Variants in SMAP1 observed in about 807,000 individuals in gnomAD.
SMAP1 encodes the protein stromal membrane-associated protein 1.
Under a neutral mutation model 58.5 loss-of-function variants are expected in SMAP1, and 24 were observed. The observed-to-expected ratio is 0.41, with a 90% CI of 0.30 to 0.58. The LOEUF (loss-of-function observed/expected upper bound fraction) is 0.58. Ranked by LOEUF, SMAP1 falls within the 20% of genes least tolerant of loss-of-function variation. The pLI, the probability that SMAP1 is intolerant of heterozygous loss-of-function variation, is 0.29. For missense variants in SMAP1, 563 were observed against 566.3 expected (o/e 0.99, Z 0.06); for synonymous variants, 216 against 196.6 (o/e 1.10, Z -0.82).
intron 10 of SMAP1, chr6:70,859,466 G>A: frequency 8.4e-7 from 1 of 1,192,094 alleles, no homozygotes; most frequent in African/African-American, 1.5e-5. Context: ...GATTAGTGAT[G>A]TAGTTTATGT....
chr6:70,715,103 CTT>C (rs34027498), intron 1 of SMAP1, among the ~76,000 whole-genome samples: 43 of 108,874 alleles, frequency 3.9e-4, no homozygotes, highest in East Asian at 1.1e-3. Flanking sequence ...TTTTTTTTTC[CTT>C]TTTTTTTTTT....
intron 5 of SMAP1, among the ~76,000 whole-genome samples, chr6:70,797,682 A>C (rs1196089540): frequency 2.0e-5 from 3 of 152,118 alleles, no homozygotes. Context: ...ATTTACTTTG[A>C]CAGAGGTTGC....
At chr6:70,807,851 A>G (rs929937990) in intron 6 of SMAP1, among the ~76,000 whole-genome samples, 1 of 151,970 alleles carries the variant, frequency 6.6e-6, no homozygotes, top group African/African-American at 2.4e-5. Context: ...GAAAATCCTC[A>G]TATAACTTTT....
intron 1 of SMAP1, among the ~76,000 whole-genome samples, chr6:70,680,994 G>A (rs1255956954): frequency 2.0e-5 from 3 of 151,910 alleles, no homozygotes; most frequent in South Asian, 2.1e-4. Context: ...CTGGGATTAC[G>A]GTTGTGAGCC....
At chr6:70,685,858 C>T (rs1766914106) in intron 1 of SMAP1, among the ~76,000 whole-genome samples, 1 of 152,100 alleles carries the variant, frequency 6.6e-6, no homozygotes, top group African/African-American at 2.4e-5. Flanking sequence ...GTAAGGAAAA[C>T]CAGAACAGAG....
intron 3 of SMAP1, among the ~76,000 whole-genome samples, chr6:70,770,977 C>G (rs911501936): frequency 6.6e-6 from 1 of 152,178 alleles, no homozygotes; most frequent in African/African-American, 2.4e-5. Context: ...AGACAGGACC[C>G]TCAGCTTCAG....
intron 3 of SMAP1, among the ~76,000 whole-genome samples, chr6:70,766,928 G>A (rs1241202389): frequency 6.6e-6 from 1 of 152,036 alleles, no homozygotes; most frequent in African/African-American, 2.4e-5. Context: ...TTTGTATAAG[G>A]TGTAAGGAAG....
At chr6:70,806,989 G>T (rs1014247234) in intron 6 of SMAP1, among the ~76,000 whole-genome samples, 2 of 151,998 alleles carry the variant, frequency 1.3e-5, no homozygotes, top group Non-Finnish European at 2.9e-5. Context: ...ATGTCTTCAG[G>T]TTCTTTATTG....
At chr6:70,803,085 T>C (rs112683216) in intron 6 of SMAP1, among the ~76,000 whole-genome samples, 8,569 of 152,262 alleles carry the variant, frequency 0.056, 388 homozygotes, top group African/African-American at 0.12. Context: ...GGAATGGTAC[T>C]AGCTCCTCGT....
At chr6:70,840,552 AAATG>A (rs770210287) in intron 7 of SMAP1, among the ~76,000 whole-genome samples, 10 of 152,218 alleles carry the variant, frequency 6.6e-5, no homozygotes, top group Non-Finnish European at 1.5e-5. Context: ...ACAAACATGT[AAATG>A]AATGAGCATG....
intron 7 of SMAP1, among the ~76,000 whole-genome samples, chr6:70,847,937 C>T (rs1771053287): frequency 6.6e-6 from 1 of 152,004 alleles, no homozygotes; most frequent in Admixed American, 6.5e-5. Context: ...GTGCATGCAC[C>T]AACAAGGTAT....
At chr6:70,725,613 C>A (rs1562116933) in intron 1 of SMAP1, among the ~76,000 whole-genome samples, 1 of 152,072 alleles carries the variant, frequency 6.6e-6, no homozygotes, top group Non-Finnish European at 1.5e-5. Context: ...TCTTTGAGAT[C>A]TTTGAGTTTG....
intron 2 of SMAP1, among the ~76,000 whole-genome samples, chr6:70,741,827 C>G (rs1582095276): frequency 6.6e-6 from 1 of 152,194 alleles, no homozygotes; most frequent in South Asian, 2.1e-4. Flanking sequence ...GAAATCTAGG[C>G]GGAGGTTCCC....
intron 4 of SMAP1, among the ~76,000 whole-genome samples, chr6:70,774,215 T>C (rs189403930): frequency 6.6e-6 from 1 of 152,352 alleles, no homozygotes; most frequent in East Asian, 1.9e-4. Flanking sequence ...TAATGATATG[T>C]TTCTCAGAAT....
chr6:70,838,909 A>G (rs908267340), intron 7 of SMAP1, among the ~76,000 whole-genome samples: 3 of 152,134 alleles, frequency 2.0e-5, no homozygotes, highest in African/African-American at 7.2e-5. Flanking sequence ...GGTGGACAGG[A>G]AAGGGTTTTT....
At chr6:70,730,587 G>T (rs1459424369) in intron 1 of SMAP1, among the ~76,000 whole-genome samples, 1 of 152,194 alleles carries the variant, frequency 6.6e-6, no homozygotes, top group Non-Finnish European at 1.5e-5. Flanking sequence ...CCAGTTTATA[G>T]ATGTAATTTC....
intron 2 of SMAP1, among the ~76,000 whole-genome samples, chr6:70,742,700 GT>G (rs1267209697): frequency 2.0e-5 from 3 of 152,120 alleles, no homozygotes; most frequent in Non-Finnish European, 4.4e-5. Flanking sequence ...TACTGTATTA[GT>G]CTGTTTTCAT....
At chr6:70,808,594 A>T (rs761969274) in intron 6 of SMAP1, among the ~76,000 whole-genome samples, 65 of 152,182 alleles carry the variant, frequency 4.3e-4, no homozygotes, top group Non-Finnish European at 7.3e-5. Flanking sequence ...ATTAAGTGAT[A>T]AGATTTGCCT....
At chr6:70,716,278 T>C (rs1768266329) in intron 1 of SMAP1, among the ~76,000 whole-genome samples, 2 of 152,188 alleles carry the variant, frequency 1.3e-5, no homozygotes, top group African/African-American at 4.8e-5. Flanking sequence ...AGCTATATGG[T>C]CCCATCTGGG....
Sources: allele counts gnomAD v4.1 joint callset (sites outside exome capture counted in the v4.1 genomes callset), GRCh38; gene constraint gnomAD v4.1.1; transcripts MANE v1.5; gene names NCBI Gene and HGNC (gene_info 2026-07-23, HGNC 2026-07-21).